DACH1: variants seen among roughly 807,000 people sequenced by gnomAD.
DACH1 encodes dachshund homolog 1.
Under a neutral mutation model 54.2 loss-of-function variants are expected in DACH1, and 12 were observed. The ratio of observed to expected loss-of-function variants is 0.22; its 90% CI spans 0.14 to 0.36. The LOEUF is 0.36. Among genes scored for constraint, DACH1 ranks in the 10% least tolerant of loss-of-function variants. The pLI is 1.00. For synonymous variants in DACH1, 386 were observed against 366.2 expected (o/e 1.05, Z -0.62); for missense variants, 805 against 929.8 (o/e 0.87, Z 1.75).
chr13:71,810,278 A>G (rs767177237), intron 1 of DACH1, among the ~76,000 whole-genome samples: 2 of 152,190 alleles, frequency 1.3e-5, no homozygotes, highest in Non-Finnish European at 2.9e-5. Flanking sequence ...GAATGAGGCC[A>G]AGAGTTGAAT....
chr13:71,779,218 C>CAT lies in DACH1; in HGVS notation c.848+86703_848+86704insAT, dbSNP rs1886240210. 1.2e-4 allele frequency among the ~76,000 whole-genome samples: 10 copies of CAT among 80,308 alleles called. 1 individual carries two copies. In the South Asian group the frequency reaches 3.4e-3, roughly 27 times the overall value. The allele number at this position is 80,308 out of a possible 152,430, so 52.7% of individuals were successfully genotyped here. On this transcript the variant is annotated intron_variant, in intron 1 of 10. Coordinates refer to ENST00000613252, the MANE Select transcript of DACH1 (RefSeq NM_080759.6). Reference sequence around the variant, plus strand: ...ATACGTATATATGTGTATATATATACGTATATACGTATATATACACATATA... The same window carrying CAT: ...ATACGTATATATGTGTATATATATACATGTATATACGTATATATACACATATA...
intron 1 of DACH1, among the ~76,000 whole-genome samples, chr13:71,823,299 A>G (rs1475023593): frequency 1.3e-5 from 2 of 152,104 alleles, no homozygotes; most frequent in African/African-American, 2.4e-5. Flanking sequence ...GAAAGGGTCA[A>G]TGTGTTCAGA....
intron 1 of DACH1, among the ~76,000 whole-genome samples, chr13:71,755,188 C>T (rs1170991184): frequency 6.6e-6 from 1 of 151,966 alleles, no homozygotes; most frequent in Non-Finnish European, 1.5e-5. Context: ...TATAGCAGAC[C>T]TCAATCAAGT....
chr13:71,658,375 C>A (rs1052355451), intron 2 of DACH1, among the ~76,000 whole-genome samples: 6 of 152,010 alleles, frequency 3.9e-5, no homozygotes, highest in Non-Finnish European at 5.9e-5. Context: ...CATGGTGAAA[C>A]CCCATCTCTA....
At chr13:71,526,580 T>C (rs1278250536) in intron 6 of DACH1, among the ~76,000 whole-genome samples, 1 of 152,010 alleles carries the variant, frequency 6.6e-6, no homozygotes, top group Admixed American at 6.6e-5. Context: ...TTAGTGCATG[T>C]AACTTTAAAC....
chr13:71,865,908 C>T lies in DACH1; in HGVS notation c.848+14G>A, dbSNP rs773509089. On this transcript the variant is annotated intron_variant, in intron 1 of 10. Coordinates refer to ENST00000613252, the MANE Select transcript of DACH1 (RefSeq NM_080759.6). ...AAGGGGCGCGGGCGGCGGGGGCTATCCCCCCCGACTCACCTTGCGTTGGTG... is the reference window on the plus strand; with the variant it reads ...AAGGGGCGCGGGCGGCGGGGGCTATTCCCCCCGACTCACCTTGCGTTGGTG... The T allele has an allele frequency of 1.3e-6, 2 of 1,562,400 alleles. No individual in the cohort carries two copies. Among genetic ancestry groups the T allele is most frequent in the Non-Finnish European group, 1.7e-6 (2 of 1,152,568 alleles).
intron 1 of DACH1, among the ~76,000 whole-genome samples, chr13:71,863,975 C>A (rs1442521775): frequency 6.6e-6 from 1 of 151,702 alleles, no homozygotes; most frequent in Non-Finnish European, 1.5e-5. Flanking sequence ...CAAATTTCAC[C>A]TAGCTTTCTT....
chr13:71,597,942 C>T (rs1276178958), intron 3 of DACH1, among the ~76,000 whole-genome samples: 2 of 151,668 alleles, frequency 1.3e-5, no homozygotes, highest in African/African-American at 2.4e-5. Context: ...CATGGTGAAA[C>T]CACATTTCTA....
intron 1 of DACH1, among the ~76,000 whole-genome samples, chr13:71,788,372 C>A (rs1199640782): frequency 1.3e-5 from 2 of 152,020 alleles, no homozygotes; most frequent in African/African-American, 4.8e-5. Context: ...AAACCTGTGG[C>A]TTTTATATGT....
At chr13:71,864,133 C>A (rs1874536573) in intron 1 of DACH1, among the ~76,000 whole-genome samples, 2 of 150,686 alleles carry the variant, frequency 1.3e-5, no homozygotes, top group Non-Finnish European at 3.0e-5. Flanking sequence ...CCACCACCCC[C>A]CATCTTTACT....
chr13:71,527,556 T>C (rs938493965), intron 6 of DACH1, among the ~76,000 whole-genome samples: 4 of 152,128 alleles, frequency 2.6e-5, no homozygotes, highest in Admixed American at 2.6e-4. Context: ...CCTGAAAAGT[T>C]GGTATTTTCT....
At chr13:71,814,403 T>C (rs2138159925) in intron 1 of DACH1, among the ~76,000 whole-genome samples, 1 of 152,352 alleles carries the variant, frequency 6.6e-6, no homozygotes, top group East Asian at 1.9e-4. Context: ...ATATGCTGCA[T>C]GTATAGTTGT....
At chr13:71,594,139 AT>A (rs1205425868) in intron 3 of DACH1, among the ~76,000 whole-genome samples, 2 of 151,472 alleles carry the variant, frequency 1.3e-5, no homozygotes, top group Non-Finnish European at 3.0e-5. Flanking sequence ...GTGTATTAAA[AT>A]AATCTACTTG....
rs186785169 is a variant in DACH1, at chr13:71,676,715, A to G, written c.964+5080T>C. Among the ~76,000 whole-genome samples, 372 of 152,320 alleles carry G rather than the reference A, an allele frequency of 2.4e-3. 3 individuals carry two copies. Among genetic ancestry groups the G allele is most frequent in the African/African-American group, 7.8e-3 (326 of 41,574 alleles). On this transcript the variant is annotated intron_variant, in intron 2 of 10. Coordinates refer to ENST00000613252, the MANE Select transcript of DACH1 (RefSeq NM_080759.6). ...AGAACATTTTTCTCTAAATTTTTTTAAAGATAAGAATGTTTCAATGGGATT... is the reference window on the plus strand; with the variant it reads ...AGAACATTTTTCTCTAAATTTTTTTGAAGATAAGAATGTTTCAATGGGATT...
At chr13:71,451,941 G>A (rs1875096878) in intron 10 of DACH1, among the ~76,000 whole-genome samples, 1 of 152,040 alleles carries the variant, frequency 6.6e-6, no homozygotes, top group Non-Finnish European at 1.5e-5. Context: ...TAGATGATAG[G>A]TAAAGGCCCA....
chr13:71,465,154 T>C (rs1876453447), intron 10 of DACH1, among the ~76,000 whole-genome samples: 1 of 152,098 alleles, frequency 6.6e-6, no homozygotes, highest in South Asian at 2.1e-4. Flanking sequence ...TATGTTTTTT[T>C]CTAAAGAAGA....
chr13:71,531,149 C>A (rs1409951664), intron 6 of DACH1, among the ~76,000 whole-genome samples: 1 of 152,068 alleles, frequency 6.6e-6, no homozygotes, highest in Non-Finnish European at 1.5e-5. Flanking sequence ...TGAACATTTA[C>A]ACATATCTTA....
intron 10 of DACH1, among the ~76,000 whole-genome samples, chr13:71,473,964 A>G (rs9599848): frequency 0.46 from 70,036 of 152,030 alleles, 20,034 homozygotes; most frequent in Non-Finnish European, 0.64. Context: ...TAATTGTCAT[A>G]ACCATATACA....
At chr13:71,454,194 A>T (rs1340943100) in intron 10 of DACH1, among the ~76,000 whole-genome samples, 1 of 152,208 alleles carries the variant, frequency 6.6e-6, no homozygotes, top group Non-Finnish European at 1.5e-5. Flanking sequence ...TGTTACTTTC[A>T]AAGACAAACA....
Sources: gnomAD v4.1 joint callset for allele counts (sites outside exome capture counted in the v4.1 genomes callset) on GRCh38, gnomAD v4.1.1 for gene constraint, MANE v1.5 for transcripts, NCBI Gene and HGNC (gene_info 2026-07-23, HGNC 2026-07-21) for gene names.